The following SGO1 variants were observed in gnomAD, a reference collection of about 807,000 sequenced individuals.
SGO1 encodes shugoshin 1, also known as serologically defined breast cancer antigen NY-BR-85.
A neutral mutation model predicts 50.5 loss-of-function variants in SGO1; 39 were observed. The ratio of observed to expected loss-of-function variants is 0.77; its 90% CI spans 0.60 to 1.01. The LOEUF is 1.01. Among genes scored for constraint, SGO1 ranks in the 50% least tolerant of loss-of-function variants. The pLI, the probability that SGO1 is intolerant of heterozygous loss-of-function variation, is 0.00. For synonymous variants in SGO1, 191 were observed against 205.1 expected, an observed-to-expected ratio of 0.93 and a Z score of 0.59; for missense variants, 638 against 606.0, an observed-to-expected ratio of 1.05 and a Z score of -0.55.
intron 4 of SGO1, among the ~76,000 whole-genome samples, chr3:20,177,920 T>A (rs754985631): frequency 6.7e-6 from 1 of 148,522 alleles, no homozygotes; most frequent in South Asian, 2.1e-4. Flanking sequence ...ACCAGACTAT[T>A]CAGAGGGCTG....
At chr3:20,185,322 T>G (rs1275399306) in intron 1 of SGO1, among the ~76,000 whole-genome samples, 1 of 152,186 alleles carries the variant, frequency 6.6e-6, no homozygotes, top group African/African-American at 2.4e-5. Flanking sequence ...CTAAAAAGCT[T>G]TCGTTATTAC....
chr3:20,182,501 C>T (rs970959317), intron 3 of SGO1, among the ~76,000 whole-genome samples: 1 of 152,092 alleles, frequency 6.6e-6, no homozygotes, highest in African/African-American at 2.4e-5. Context: ...TTTTCTCTGC[C>T]CCATTTCCTT....
rs1700526412 is a variant in SGO1 at position 20,169,708 on chromosome 3, A to G, written c.*996T>C. On this transcript the variant is annotated 3_prime_UTR_variant, in exon 8 of 8. Transcript: ENST00000412997. Reference sequence around the variant, plus strand: ...GAAAGTACATGACATTTGTAATTTTATGGAGACATCACTCTGAACATACAA... The same window carrying G: ...GAAAGTACATGACATTTGTAATTTTGTGGAGACATCACTCTGAACATACAA... The G allele has an allele frequency of 2.2e-6, 2 of 902,750 alleles. No homozygotes were observed. 55.9% of individuals were successfully genotyped at this position (902,750 alleles called of 1,614,324 possible).
At chr3:20,183,111 T>C (rs982818567) in intron 3 of SGO1, among the ~76,000 whole-genome samples, 16 of 152,146 alleles carry the variant, frequency 1.1e-4, no homozygotes, top group African/African-American at 3.9e-4. Flanking sequence ...TAGGTAAAAA[T>C]GGTTCTCCAA....
exon 9 of SGO1, chr3:20,161,080 T>C: frequency 3.7e-6 from 6 of 1,613,432 alleles, no homozygotes; most frequent in Non-Finnish European, 5.1e-6. Context: ...AAAAAAGTTT[T>C]CTAAGGATGT....
chr3:20,182,616 A>C (rs1702149781), intron 3 of SGO1, among the ~76,000 whole-genome samples: 1 of 152,222 alleles, frequency 6.6e-6, no homozygotes, highest in Admixed American at 6.5e-5. Flanking sequence ...TGGTATAGCC[A>C]GACACAAAGA....
intron 4 of SGO1, among the ~76,000 whole-genome samples, chr3:20,176,922 A>C (rs1701462867): frequency 6.6e-6 from 1 of 152,198 alleles, no homozygotes; most frequent in Non-Finnish European, 1.5e-5. Context: ...CACATTATAT[A>C]ACTCAATTTA....
At chr3:20,168,427 C>CT (rs112112060), downstream of SGO1, among the ~76,000 whole-genome samples, 199 of 135,054 alleles carry the variant, frequency 1.5e-3, no homozygotes, top group Middle Eastern at 4.1e-3. Context: ...CAAATGTTTG[C>CT]TTTTTTTTTT....
At chr3:20,178,417 AAT>A (rs1701639415) in intron 3 of SGO1, 70 bp from the exon 4 acceptor site, 3 of 1,126,280 alleles carry the variant, frequency 2.7e-6, no homozygotes, top group Non-Finnish European at 4.1e-6. Context: ...TTTATTCAAC[AAT>A]ATGCACTTGT....
At chr3:20,177,439 T>C (rs1280432979) in intron 4 of SGO1, among the ~76,000 whole-genome samples, 1 of 152,192 alleles carries the variant, frequency 6.6e-6, no homozygotes, top group Non-Finnish European at 1.5e-5. Flanking sequence ...ATGGACTTGA[T>C]AGGCATACGA....
intron 6 of SGO1, among the ~76,000 whole-genome samples, chr3:20,171,474 G>A (rs539806066): frequency 1.3e-5 from 2 of 152,190 alleles, no homozygotes; most frequent in Admixed American, 1.3e-4. Context: ...AAGTAGCTGG[G>A]ACTACAGGTA....
rs1702637411 is a variant in SGO1, at chr3:20,186,050, G to A, written c.-110C>T. 6.6e-6 allele frequency: 1 copy of A among 152,424 alleles called. No homozygotes were observed. Among genetic ancestry groups the A allele is most frequent in the African/African-American group, 2.4e-5 (1 of 41,460 alleles). The allele number at this position is 152,424 out of a possible 1,614,324, so 9.4% of individuals were successfully genotyped here. A position where few individuals can be genotyped will look rare whatever the true frequency, so the allele number is the denominator to read the frequency against. ...GACCCTCCTGCCGCAGGCGCGTCCA[G>A]AACGATACCTTGGCCACTACTTCTG... On this transcript the variant is annotated 5_prime_UTR_variant, in exon 1 of 8. Coordinates refer to ENST00000412997, the MANE Select transcript of SGO1 (RefSeq NM_001199251.3).
intron 1 of SGO1, among the ~76,000 whole-genome samples, chr3:20,185,658 T>C (rs1196601584): frequency 1.3e-5 from 2 of 152,208 alleles, no homozygotes; most frequent in Non-Finnish European, 2.9e-5. Flanking sequence ...GTCAACGGTA[T>C]CACGCTGCAC....
chr3:20,162,471 C>T (rs1354313068), intron 8 of SGO1, among the ~76,000 whole-genome samples: 2 of 152,128 alleles, frequency 1.3e-5, no homozygotes, highest in Non-Finnish European at 2.9e-5. Flanking sequence ...TGATCTCTAA[C>T]AAACTTAATT....
At position 20,178,273 on chromosome 3, in the gene SGO1, T is replaced by C; in HGVS notation, c.414A>G (p.Leu138=). Reference sequence around the variant, plus strand: ...ATGATAAAGAATTTGATACTAACGGTAAATCCTTCACAAATAAATTTCTGG... The same window carrying C: ...ATGATAAAGAATTTGATACTAACGGCAAATCCTTCACAAATAAATTTCTGG... The part of the protein sequence containing the change: ...DSSRNLFVKD[L]PQIPLEETEL... The change falls in exon 4 of 8, where the codon TTA becomes TTG. Residue 138 remains leucine, a splice_region_variant and synonymous_variant. Transcript: ENST00000412997. 1.2e-6 allele frequency: 2 copies of C among 1,603,132 alleles called. No individual in the cohort carries two copies. Among genetic ancestry groups the C allele is most frequent in the Non-Finnish European group, 1.7e-6 (2 of 1,170,344 alleles).
chr3:20,167,422 GATACTTAGA>G (rs1700360440), downstream of SGO1, among the ~76,000 whole-genome samples: 1 of 151,840 alleles, frequency 6.6e-6, no homozygotes, highest in African/African-American at 2.4e-5. Context: ...ATTGAGGAAA[GATACTTAGA>G]ATACTTGTCA....
At chr3:20,172,250 C>T (rs572413416) in intron 6 of SGO1, among the ~76,000 whole-genome samples, 1 of 152,148 alleles carries the variant, frequency 6.6e-6, no homozygotes, top group Non-Finnish European at 1.5e-5. Flanking sequence ...GCCAGTAATC[C>T]CAGCACTTAG....
chr3:20,161,522 G>A (rs1036556659), intron 8 of SGO1, among the ~76,000 whole-genome samples: 3 of 152,092 alleles, frequency 2.0e-5, no homozygotes, highest in Non-Finnish European at 4.4e-5. Context: ...AAAGAATGTA[G>A]CTAAAAAGAT....
At chr3:20,168,236 A>T (rs1206169284), downstream of SGO1, among the ~76,000 whole-genome samples, 2 of 152,224 alleles carry the variant, frequency 1.3e-5, no homozygotes, top group South Asian at 2.1e-4. Flanking sequence ...GTGTCAGACC[A>T]GAATGATCTT....
Sources: allele counts gnomAD v4.1 joint callset (sites outside exome capture counted in the v4.1 genomes callset), GRCh38; gene constraint gnomAD v4.1.1; transcripts MANE v1.5; gene names NCBI Gene and HGNC (gene_info 2026-07-23, HGNC 2026-07-21).